PLEKHH2: variants seen among roughly 807,000 people sequenced by gnomAD.
The protein encoded by PLEKHH2 is pleckstrin homology domain-containing family H member 2.
Under a neutral mutation model 187.9 loss-of-function variants are expected in PLEKHH2, and 129 were observed. The ratio of observed to expected loss-of-function variants is 0.69; its 90% CI spans 0.59 to 0.79. The LOEUF is 0.79. PLEKHH2 is among the 30% of genes least tolerant of loss of function. The pLI is 0.00. For synonymous variants in PLEKHH2, 686 were observed against 605.6 expected (o/e 1.13, Z -1.95); for missense variants, 2,076 against 1,751.2 (o/e 1.19, Z -3.31).
intron 2 of PLEKHH2, among the ~76,000 whole-genome samples, chr2:43,669,221 G>A (rs1574504153): frequency 6.6e-6 from 1 of 152,170 alleles, no homozygotes; most frequent in East Asian, 1.9e-4. Flanking sequence ...CAGAGGCTAT[G>A]AAAAGATAGT....
rs114474094 is a variant in PLEKHH2, at chr2:43,717,478, G to A, written c.2461-3191G>A. Among the ~76,000 whole-genome samples, 1,465 of 152,248 alleles carry A rather than the reference G, an allele frequency of 9.6e-3. 28 individuals are homozygous for A. Among genetic ancestry groups the A allele is most frequent in the African/African-American group, 0.034 (1,400 of 41,554 alleles). ...AGAATAGGAGTGTGGTAAGTGAGAGGGGGAGGGAAGTGGGAGGAATTGGGA... is the reference window on the plus strand; with the variant it reads ...AGAATAGGAGTGTGGTAAGTGAGAGAGGGAGGGAAGTGGGAGGAATTGGGA... On this transcript the variant is annotated intron_variant, in intron 15 of 29. Transcript: ENST00000282406.
chr2:43,690,138 A>T (rs1015303716), intron 3 of PLEKHH2, among the ~76,000 whole-genome samples: 1 of 152,192 alleles, frequency 6.6e-6, no homozygotes, highest in Admixed American at 6.5e-5. Flanking sequence ...CGTATGTGGA[A>T]CTGGCTATAG....
intron 2 of PLEKHH2, among the ~76,000 whole-genome samples, chr2:43,652,771 C>T (rs993613210): frequency 2.6e-5 from 4 of 152,118 alleles, no homozygotes; most frequent in African/African-American, 7.2e-5. Context: ...GCCTCTAACA[C>T]GAAAGACAGG....
At chr2:43,713,908 G>A (rs1349953617) in intron 15 of PLEKHH2, among the ~76,000 whole-genome samples, 1 of 152,076 alleles carries the variant, frequency 6.6e-6, no homozygotes, top group Non-Finnish European at 1.5e-5. Context: ...TAAAAAGACT[G>A]ACCAACTATA....
In PLEKHH2 at chr2:43,742,814, G is replaced by A; in HGVS notation, c.3295G>A (p.Ala1099Thr). The change falls in exon 22 of 30, where the codon GCA becomes ACA. Residue 1099 changes from alanine to threonine, a missense_variant. By Grantham distance (58) the Ala-to-Thr change is moderately conservative. Transcript: ENST00000282406. ...AACGCAACAAAATGGTGACAGAGAA[G>A]CAAGACCCTCAAGGATGGAAATTCT... ...ERTQQNGDRE[A>T]RPSRMEILST... 6.2e-7 allele frequency: 1 copy of A among 1,607,330 alleles called. No homozygotes were observed. The highest frequency in any genetic ancestry group is 2.3e-5 in the East Asian group (1 of 44,278).
chr2:43,759,921 C>A (rs1329603306), intron 27 of PLEKHH2, among the ~76,000 whole-genome samples: 1 of 152,140 alleles, frequency 6.6e-6, no homozygotes, highest in African/African-American at 2.4e-5. Flanking sequence ...AAGGTATCTT[C>A]TAACTCTGAT....
intron 6 of PLEKHH2, among the ~76,000 whole-genome samples, chr2:43,695,615 A>G (rs563589331): frequency 1.3e-5 from 2 of 152,302 alleles, no homozygotes; most frequent in African/African-American, 4.8e-5. Flanking sequence ...CATATGGATG[A>G]TGGGTACCAA....
chr2:43,742,101 A>G (rs546127314), intron 21 of PLEKHH2, among the ~76,000 whole-genome samples: 44 of 152,146 alleles, frequency 2.9e-4, no homozygotes, highest in South Asian at 2.5e-3. Context: ...CCAAGGTCCA[A>G]GTGATTCTCC....
In PLEKHH2 at chr2:43,686,285, C is replaced by A. The variant is rs750842337; in HGVS notation, c.187-6229C>A. ...GATCCTGGCTCACCGCAGCCTCTGCCTCCCGGGTTCAAGCATTTCTCCTGC... is the reference window on the plus strand; with the variant it reads ...GATCCTGGCTCACCGCAGCCTCTGCATCCCGGGTTCAAGCATTTCTCCTGC... On this transcript the variant is annotated intron_variant, in intron 3 of 29. Transcript: ENST00000282406. Among the ~76,000 whole-genome samples the A allele has an allele frequency of 4.6e-5, 7 of 152,300 alleles. No individual in the cohort carries two copies. In the East Asian group the frequency reaches 1.4e-3, roughly 29 times the overall value.
Position 43,742,946 on chromosome 2 carries a change from G to C in PLEKHH2, c.3399+28G>C, listed in dbSNP as rs1288330241. 13 of 1,453,576 alleles carry C rather than the reference G, an allele frequency of 8.9e-6. 1 individual carries two copies. In the African/African-American group the frequency reaches 1.3e-4, roughly 15 times the overall value. The allele number at this position is 1,453,576 out of a possible 1,614,324, so 90.0% of individuals were successfully genotyped here. A position where few individuals can be genotyped will look rare whatever the true frequency, so the allele number is the denominator to read the frequency against. On this transcript the variant is annotated intron_variant, in intron 22 of 29. Transcript: ENST00000282406. ...AGGTTACCTGATGAAAATATGCTTAGCCAACAATCCTATGTACAACCTCTG... is the reference window on the plus strand; with the variant it reads ...AGGTTACCTGATGAAAATATGCTTACCCAACAATCCTATGTACAACCTCTG...
chr2:43,714,225 G>T (rs1447600723), intron 15 of PLEKHH2, among the ~76,000 whole-genome samples: 1 of 152,156 alleles, frequency 6.6e-6, no homozygotes, highest in Admixed American at 6.6e-5. Flanking sequence ...TTGCTTGCTT[G>T]TTTTTACTTT....
At chr2:43,671,012 G>A (rs966061935) in intron 2 of PLEKHH2, among the ~76,000 whole-genome samples, 2 of 147,670 alleles carry the variant, frequency 1.4e-5, no homozygotes, top group African/African-American at 5.0e-5. Flanking sequence ...GAGATGAAGT[G>A]TCGCCCTTGT....
At chr2:43,730,599 A>T (rs1670991447) in intron 18 of PLEKHH2, among the ~76,000 whole-genome samples, 1 of 151,990 alleles carries the variant, frequency 6.6e-6, no homozygotes, top group African/African-American at 2.4e-5. Flanking sequence ...GGGTTTCTTC[A>T]TGTTGCACAG....
At chr2:43,705,688 C>G (rs1016696105) in intron 9 of PLEKHH2, among the ~76,000 whole-genome samples, 1 of 152,150 alleles carries the variant, frequency 6.6e-6, no homozygotes, top group African/African-American at 2.4e-5. Context: ...GTGGCATGAT[C>G]TCGGCTCACT....
At chr2:43,649,685 G>A (rs75277874) in intron 2 of PLEKHH2, among the ~76,000 whole-genome samples, 6,230 of 152,294 alleles carry the variant, frequency 0.041, 173 homozygotes, top group Middle Eastern at 0.075. Context: ...CAATGGGACC[G>A]TATAGGCTAA....
chr2:43,682,513 G>A (rs1003596472), intron 3 of PLEKHH2, among the ~76,000 whole-genome samples: 1 of 152,034 alleles, frequency 6.6e-6, no homozygotes, highest in Non-Finnish European at 1.5e-5. Context: ...CACCATGTTG[G>A]CCAGGCTGGT....
intron 23 of PLEKHH2, among the ~76,000 whole-genome samples, chr2:43,745,293 G>A (rs112223169): frequency 0.13 from 19,256 of 152,148 alleles, 1,903 homozygotes; most frequent in African/African-American, 0.27. Context: ...TTCAGCCTGG[G>A]TGACAGAGTG....
At chr2:43,691,772 C>T (rs951499566) in intron 3 of PLEKHH2, among the ~76,000 whole-genome samples, 1 of 152,300 alleles carries the variant, frequency 6.6e-6, no homozygotes, top group Admixed American at 6.5e-5. Flanking sequence ...ATCTGCCTGC[C>T]TCGGCCTCCC....
intron 19 of PLEKHH2, among the ~76,000 whole-genome samples, chr2:43,734,338 A>G (rs1671189989): frequency 6.6e-6 from 1 of 152,250 alleles, no homozygotes; most frequent in Non-Finnish European, 1.5e-5. Flanking sequence ...TTGAACAAAA[A>G]TAATAAAATA....
Sources: gnomAD v4.1 joint callset for allele counts (sites outside exome capture counted in the v4.1 genomes callset) on GRCh38, gnomAD v4.1.1 for gene constraint, MANE v1.5 for transcripts, NCBI Gene and HGNC (gene_info 2026-07-23, HGNC 2026-07-21) for gene names.